The following EGFR variants were observed in gnomAD, a reference collection of about 807,000 sequenced individuals.
EGFR encodes the protein epidermal growth factor receptor.
In EGFR, 58 loss-of-function variants were observed where a neutral mutation model predicts 143.0. The ratio of observed to expected loss-of-function variants is 0.41; its 90% CI spans 0.33 to 0.50. The LOEUF is 0.50. Ranked by LOEUF, EGFR falls within the 20% of genes least tolerant of loss-of-function variation. The pLI is 0.39. For missense variants in EGFR, 1,307 were observed against 1,579.0 expected (o/e 0.83, Z 2.92); for synonymous variants, 613 against 594.4 (o/e 1.03, Z -0.45).
At chr7:55,129,374 A>G (rs1793704973) in intron 1 of EGFR, among the ~76,000 whole-genome samples, 1 of 152,264 alleles carries the variant, frequency 6.6e-6, no homozygotes, top group Non-Finnish European at 1.5e-5. Flanking sequence ...AAGGTAGAGA[A>G]GCAATACGTT....
chr7:55,050,095 A>T (rs952773466), intron 1 of EGFR, among the ~76,000 whole-genome samples: 1 of 152,220 alleles, frequency 6.6e-6, no homozygotes, highest in African/African-American at 2.4e-5. Flanking sequence ...TATACACAAC[A>T]TAAAATTTAC....
chr7:55,022,471 C>T (rs1434162556), intron 1 of EGFR, among the ~76,000 whole-genome samples: 5 of 152,184 alleles, frequency 3.3e-5, no homozygotes, highest in Admixed American at 1.3e-4. Flanking sequence ...GCAATTGGGA[C>T]CTTTCTTCTC....
intron 19 of EGFR, among the ~76,000 whole-genome samples, chr7:55,176,887 T>C (rs1786617801): frequency 6.8e-6 from 1 of 146,978 alleles, no homozygotes; most frequent in Non-Finnish European, 1.5e-5. Context: ...TTATATATAT[T>C]TAGAGATATA....
At chr7:55,136,225 C>G (rs750101517) in intron 1 of EGFR, among the ~76,000 whole-genome samples, 1 of 152,172 alleles carries the variant, frequency 6.6e-6, no homozygotes, top group Admixed American at 6.5e-5. Flanking sequence ...AATGAACTAT[C>G]CATTCATCTT....
intron 1 of EGFR, among the ~76,000 whole-genome samples, chr7:55,100,510 C>T (rs114368349): frequency 6.8e-4 from 104 of 152,360 alleles, no homozygotes; most frequent in African/African-American, 2.3e-3. Context: ...AAATTCTTCC[C>T]CTACGAGAGG....
At chr7:55,056,713 T>G (rs1046931005) in intron 1 of EGFR, among the ~76,000 whole-genome samples, 1 of 152,238 alleles carries the variant, frequency 6.6e-6, no homozygotes, top group African/African-American at 2.4e-5. Flanking sequence ...GCAATATTTG[T>G]TGAGTGACTG....
intron 1 of EGFR, among the ~76,000 whole-genome samples, chr7:55,084,394 GGCT>G (rs922842435): frequency 5.7e-4 from 87 of 152,308 alleles, no homozygotes; most frequent in Non-Finnish European, 1.1e-3. Flanking sequence ...CCTCCAGGAG[GGCT>G]CAGTCCATTC....
intron 20 of EGFR, among the ~76,000 whole-genome samples, chr7:55,185,405 C>G (rs754062497): frequency 2.6e-5 from 4 of 152,204 alleles, no homozygotes; most frequent in Non-Finnish European, 5.9e-5. Flanking sequence ...GTCTACTCTT[C>G]CTGGGATTTA....
At chr7:55,076,323 T>C (rs1160908879) in intron 1 of EGFR, among the ~76,000 whole-genome samples, 1 of 152,156 alleles carries the variant, frequency 6.6e-6, no homozygotes, top group African/African-American at 2.4e-5. Flanking sequence ...TTCAATCTAA[T>C]GGGAAATGCA....
At position 55,060,860 on chromosome 7, in the gene EGFR, C is replaced by T. The variant is rs4473992; in HGVS notation, c.88+41495C>T. Among the ~76,000 whole-genome samples the T allele has an allele frequency of 1.4e-3, 207 of 152,204 alleles. 2 individuals carry two copies. Among genetic ancestry groups the T allele is most frequent in the African/African-American group, 4.8e-3 (198 of 41,510 alleles). ...GTTTCCAACTGTGTAACCATGTGAG[C>T]GTCAAAAATCATGGACGTGCTCTGG... On this transcript the variant is annotated intron_variant, in intron 1 of 27. Coordinates refer to ENST00000275493, the MANE Select transcript of EGFR (RefSeq NM_005228.5).
chr7:55,047,450 T>C (rs1788240918), intron 1 of EGFR, among the ~76,000 whole-genome samples: 1 of 152,196 alleles, frequency 6.6e-6, no homozygotes, highest in African/African-American at 2.4e-5. Context: ...CCTGCTGCTT[T>C]TAAAAGATTA....
In EGFR at chr7:55,168,576, C is replaced by T. The variant is rs746567781; in HGVS notation, c.1881-2599C>T. On this transcript the variant is annotated intron_variant, in intron 15 of 27. Transcript: ENST00000275493. ...TAGTCTCCCACTAAAACTGCATTTC[C>T]TTTCTACAATTTCAATTTCTCCCTT... The T allele has an allele frequency of 3.1e-6, 5 of 1,612,074 alleles. No homozygotes were observed. The South Asian group carries it at 3.3e-5, about 11-fold the overall frequency.
chr7:55,187,151 C>T (rs1458674179), intron 20 of EGFR, among the ~76,000 whole-genome samples: 1 of 152,152 alleles, frequency 6.6e-6, no homozygotes, highest in Non-Finnish European at 1.5e-5. Flanking sequence ...GGGTGGACCC[C>T]TCAGGGCCAA....
At chr7:55,065,747 T>C (rs183019774) in intron 1 of EGFR, among the ~76,000 whole-genome samples, 1 of 151,814 alleles carries the variant, frequency 6.6e-6, no homozygotes, top group East Asian at 1.9e-4. Flanking sequence ...CATTTTACTT[T>C]CCCTCTTCAC....
chr7:55,020,657 C>T (rs896293851), intron 1 of EGFR, among the ~76,000 whole-genome samples: 7 of 151,668 alleles, frequency 4.6e-5, no homozygotes, highest in Non-Finnish European at 8.8e-5. Context: ...AGTCTGGCTT[C>T]GTGACTACCG....
At chr7:55,163,155 C>T (rs917976193) in intron 13 of EGFR, among the ~76,000 whole-genome samples, 2 of 152,242 alleles carry the variant, frequency 1.3e-5, no homozygotes, top group African/African-American at 2.4e-5. Flanking sequence ...CTATGCTTGA[C>T]TACTAGGCAG....
intron 19 of EGFR, 114 bp from the exon 20 acceptor site, chr7:55,181,179 A>G (rs528468380): frequency 3.7e-5 from 46 of 1,239,546 alleles, no homozygotes; most frequent in Non-Finnish European, 4.8e-5. Flanking sequence ...CTCCATGAGT[A>G]CGTATTTTGA....
intron 15 of EGFR, among the ~76,000 whole-genome samples, chr7:55,166,647 G>GTGGTGA (rs1226985312): frequency 2.0e-5 from 3 of 148,368 alleles, no homozygotes; most frequent in Non-Finnish European, 3.0e-5. Context: ...CACAGTGGTG[G>GTGGTGA]TGGTGTTGAT....
chr7:55,099,882 T>C (rs984748754), intron 1 of EGFR, among the ~76,000 whole-genome samples: 23 of 151,912 alleles, frequency 1.5e-4, no homozygotes, highest in African/African-American at 5.6e-4. Flanking sequence ...AACTTTTTAA[T>C]GGAAAAGGAT....
Sources: gnomAD v4.1 joint callset for allele counts (sites outside exome capture counted in the v4.1 genomes callset) on GRCh38, gnomAD v4.1.1 for gene constraint, MANE v1.5 for transcripts, NCBI Gene and HGNC (gene_info 2026-07-23, HGNC 2026-07-21) for gene names.